Variants in TMEM74 observed in about 807,000 individuals in gnomAD.
TMEM74 encodes transmembrane protein 74.
Under a neutral mutation model 18.1 loss-of-function variants are expected in TMEM74, and 13 were observed. The observed-to-expected ratio is 0.72, with a 90% CI of 0.47 to 1.14. The LOEUF is 1.14. TMEM74 is among the 50% of genes most tolerant of loss of function. The pLI, the probability that TMEM74 is intolerant of heterozygous loss-of-function variation, is 0.00. For synonymous variants in TMEM74, 159 were observed against 146.6 expected, an observed-to-expected ratio of 1.08 and a Z score of -0.61; for missense variants, 372 against 375.9, an observed-to-expected ratio of 0.99 and a Z score of 0.09.
chr8:108,721,718 A>T (rs1813588847), intron 1 of TMEM74, among the ~76,000 whole-genome samples: 2 of 152,230 alleles, frequency 1.3e-5, no homozygotes, highest in African/African-American at 4.8e-5. Flanking sequence ...AAGACTTTTT[A>T]TGAAAGCAAA....
chr8:108,771,727 A>C (rs1814175386), intron 1 of TMEM74, among the ~76,000 whole-genome samples: 1 of 152,168 alleles, frequency 6.6e-6, no homozygotes, highest in South Asian at 2.1e-4. Flanking sequence ...TTGAGATATG[A>C]GGTTTTTTTG....
At chr8:108,702,470 G>A (rs1013464816) in intron 1 of TMEM74, among the ~76,000 whole-genome samples, 18 of 151,810 alleles carry the variant, frequency 1.2e-4, no homozygotes. Flanking sequence ...GTTCTGGAGA[G>A]CTGGCCATCC....
intron 1 of TMEM74, among the ~76,000 whole-genome samples, chr8:108,764,816 G>T (rs183518165): frequency 5.1e-4 from 77 of 152,148 alleles, no homozygotes; most frequent in Non-Finnish European, 9.4e-4. Context: ...GCTTGTATCT[G>T]GTCTTTAAAA....
intron 1 of TMEM74, among the ~76,000 whole-genome samples, chr8:108,713,532 A>G (rs1015232580): frequency 6.6e-6 from 1 of 152,218 alleles, no homozygotes; most frequent in Non-Finnish European, 1.5e-5. Flanking sequence ...GGATTCAGCT[A>G]TATAATTGCA....
At position 108,785,036 on chromosome 8, in the gene TMEM74, C is replaced by T; in HGVS notation, c.63G>A (p.Trp21Ter). The change falls in exon 2 of 2, where the codon TGG (tryptophan) becomes TGA (stop). Residue 21 changes from tryptophan (W) to a stop codon, truncating the protein, a stop_gained. Coordinates refer to ENST00000297459, the MANE Select transcript of TMEM74 (RefSeq NM_153015.3). LOFTEE classifies it high-confidence loss of function. ...NQADLCDARD[W>*]SSRGLPGDQA... ...GGTCACCAGGCAGCCCTCTTGAACT[C>T]CAGTCCCTGGCATCACAGAGGTCTG... is the stretch of plus-strand genomic sequence containing the variant. The T allele has an allele frequency of 6.2e-7, 1 of 1,613,946 alleles. No homozygotes were observed.
intron 3 of TMEM74, among the ~76,000 whole-genome samples, chr8:108,607,959 A>G (rs778476383): frequency 2.2e-4 from 33 of 152,136 alleles, no homozygotes; most frequent in Non-Finnish European, 4.0e-4. Context: ...GTGTCTATGC[A>G]TGTATTTTTG....
At chr8:108,636,088 C>A (rs1394891394) in intron 2 of TMEM74, among the ~76,000 whole-genome samples, 3 of 152,080 alleles carry the variant, frequency 2.0e-5, no homozygotes, top group Non-Finnish European at 4.4e-5. Flanking sequence ...GGAAAAGTAG[C>A]TCCTCCCCAC....
At chr8:108,655,294 G>A (rs936681190) in exon 2 of TMEM74, 1 of 151,946 alleles carries the variant, frequency 6.6e-6, no homozygotes, top group Non-Finnish European at 1.5e-5. Context: ...TTACTTAACT[G>A]TTTAACATCA....
chr8:108,670,328 A>G (rs1351648676), intron 1 of TMEM74, among the ~76,000 whole-genome samples: 5 of 152,196 alleles, frequency 3.3e-5, no homozygotes, highest in Non-Finnish European at 5.9e-5. Flanking sequence ...GGTCAGAAGC[A>G]CCACCTGCTT....
intron 1 of TMEM74, among the ~76,000 whole-genome samples, chr8:108,735,222 T>C (rs1017694435): frequency 6.6e-6 from 1 of 152,216 alleles, no homozygotes; most frequent in Non-Finnish European, 1.5e-5. Context: ...TCACTTACCA[T>C]AAAATTCACC....
At chr8:108,666,209 C>T (rs1812947918) in intron 1 of TMEM74, among the ~76,000 whole-genome samples, 1 of 152,138 alleles carries the variant, frequency 6.6e-6, no homozygotes, top group Non-Finnish European at 1.5e-5. Flanking sequence ...AAGCCACCAC[C>T]TTCAGAAATA....
chr8:108,630,149 A>C (rs1346945184), intron 2 of TMEM74, among the ~76,000 whole-genome samples: 2 of 152,048 alleles, frequency 1.3e-5, no homozygotes, highest in East Asian at 3.9e-4. Context: ...TATTTACCAA[A>C]CAAATGGAAA....
chr8:108,684,362 G>C (rs1179264471), intron 1 of TMEM74, among the ~76,000 whole-genome samples: 1 of 151,944 alleles, frequency 6.6e-6, no homozygotes, highest in Admixed American at 6.6e-5. Context: ...TAGTGATCTT[G>C]AACATTTTTT....
chr8:108,667,959 T>C (rs1409585214), intron 1 of TMEM74, among the ~76,000 whole-genome samples: 2 of 152,174 alleles, frequency 1.3e-5, no homozygotes, highest in Admixed American at 6.6e-5. Context: ...GATTTTCCTG[T>C]AGTGGAATAA....
rs150303553 is a variant in TMEM74 at position 108,699,392 on chromosome 8, G to C, written n.120-43955C>G. ...AGGGACTGTGTGTGGTCCTACTCTC[G>C]ACCATGCCTAAAACACTGAGAGGTC... On this transcript the variant is annotated intron_variant and non_coding_transcript_variant, in intron 1 of 3. Transcript: ENST00000518838. 9.5e-4 allele frequency among the ~76,000 whole-genome samples: 144 copies of C among 151,866 alleles called. No individual in the cohort carries two copies. In the East Asian group the frequency reaches 0.023, roughly 24 times the overall value.
At chr8:108,622,441 A>G (rs559052778) in intron 2 of TMEM74, among the ~76,000 whole-genome samples, 2 of 152,194 alleles carry the variant, frequency 1.3e-5, no homozygotes, top group South Asian at 4.2e-4. Flanking sequence ...TTTAACCACT[A>G]TATGCAATTA....
chr8:108,681,346 C>T lies in TMEM74; in HGVS notation n.120-25909G>A, dbSNP rs527301865. ...ATAGATCAATGGAACAGAACAGAGC[C>T]CTCAGAAATAATGCTGCATATCTAC... On this transcript the variant is annotated intron_variant and non_coding_transcript_variant, in intron 1 of 3. Coordinates refer to the TMEM74 transcript ENST00000518838. Among the ~76,000 whole-genome samples, 909 of 151,856 alleles carry T rather than the reference C, an allele frequency of 6.0e-3. 13 individuals carry two copies. The highest frequency in any genetic ancestry group is 0.02 in the African/African-American group (841 of 41,276).
rs150712271 is a variant in TMEM74, at chr8:108,766,200, T to TTTCCTTCC, written n.119+21268_119+21275dup. Reference sequence around the variant, plus strand: ...TTATTAATTTGGGGGTTATTTCTCCTTTCCTTCCTTCCTTCCTTCCTTCCT... The same window carrying TTTCCTTCC: ...TTATTAATTTGGGGGTTATTTCTCCTTTCCTTCCTTCCTTCCTTCCTTCCTTCCTTCCT... On this transcript the variant is annotated intron_variant and non_coding_transcript_variant, in intron 1 of 3. Coordinates refer to the TMEM74 transcript ENST00000518838. 9.1e-3 allele frequency among the ~76,000 whole-genome samples: 1,377 copies of TTTCCTTCC among 151,644 alleles called. 22 individuals carry two copies. The highest frequency in any genetic ancestry group is 0.032 in the African/African-American group (1,325 of 41,192).
intron 1 of TMEM74, among the ~76,000 whole-genome samples, chr8:108,663,176 T>A (rs1812917495): frequency 6.6e-6 from 1 of 151,978 alleles, no homozygotes; most frequent in Non-Finnish European, 1.5e-5. Flanking sequence ...GAAGAGAAAT[T>A]TTTTTCCATC....
Sources: gnomAD v4.1 joint callset for allele counts (sites outside exome capture counted in the v4.1 genomes callset) on GRCh38, gnomAD v4.1.1 for gene constraint, MANE v1.5 for transcripts, NCBI Gene and HGNC (gene_info 2026-07-23, HGNC 2026-07-21) for gene names.